The following ANKS1A variants were observed in gnomAD, a reference collection of about 807,000 sequenced individuals.
ANKS1A encodes ankyrin repeat and SAM domain-containing protein 1A.
Under a neutral mutation model 120.3 loss-of-function variants are expected in ANKS1A, and 55 were observed. That is an observed-to-expected ratio of 0.46 (90% confidence interval 0.37 to 0.57). The LOEUF (loss-of-function observed/expected upper bound fraction) is 0.57. Among genes scored for constraint, ANKS1A ranks in the 20% least tolerant of loss-of-function variants. The pLI is 0.00. For synonymous variants in ANKS1A, 590 were observed against 604.7 expected (o/e 0.98, Z 0.36); for missense variants, 1,123 against 1,480.3 (o/e 0.76, Z 3.96).
At chr6:34,999,535 G>C (rs966232455) in intron 10 of ANKS1A, among the ~76,000 whole-genome samples, 6 of 152,158 alleles carry the variant, frequency 3.9e-5, no homozygotes, top group African/African-American at 1.2e-4. Flanking sequence ...TAGGAACTAT[G>C]TTGAAAAATT....
intron 16 of ANKS1A, 28 bp downstream of exon 16, chr6:35,079,956 G>T (rs1403367570): frequency 6.5e-7 from 1 of 1,546,268 alleles, no homozygotes; most frequent in Non-Finnish European, 8.8e-7. Flanking sequence ...AGAAAGGAAT[G>T]TATGTTTGTT....
intron 2 of ANKS1A, among the ~76,000 whole-genome samples, chr6:34,968,090 A>G (rs1398082909): frequency 2.0e-5 from 3 of 152,124 alleles, no homozygotes; most frequent in African/African-American, 7.2e-5. Context: ...TTCTTTCCTC[A>G]TAAAATTAGC....
In ANKS1A at chr6:35,088,789, T is replaced by C; in HGVS notation, c.*180T>C. ...CCACCACGTCCTGCAGAACGAGCCC[T>C]GCCTTGGCTGTGGAGAAGCACTCCA... On this transcript the variant is annotated 3_prime_UTR_variant, in exon 24 of 24. Coordinates refer to ENST00000360359, the MANE Select transcript of ANKS1A (RefSeq NM_015245.3). 1.3e-6 allele frequency: 2 copies of C among 1,518,220 alleles called. No homozygotes were observed. The highest frequency in any genetic ancestry group is 1.8e-6 in the Non-Finnish European group (2 of 1,134,634). 94.0% of individuals were successfully genotyped at this position (1,518,220 alleles called of 1,614,324 possible).
At chr6:35,072,024 C>T (rs1307036249) in intron 13 of ANKS1A, among the ~76,000 whole-genome samples, 2 of 152,280 alleles carry the variant, frequency 1.3e-5, no homozygotes, top group African/African-American at 4.8e-5. Flanking sequence ...CAAACAGTCC[C>T]CTTCCTGGGC....
At chr6:34,911,446 G>C (rs1454417771) in intron 1 of ANKS1A, among the ~76,000 whole-genome samples, 1 of 152,114 alleles carries the variant, frequency 6.6e-6, no homozygotes, top group East Asian at 1.9e-4. Flanking sequence ...CTTGTGCACA[G>C]GATAACAGTG....
rs144651696 is a variant in ANKS1A at position 34,966,266 on chromosome 6, C to T, written c.198-973C>T. On this transcript the variant is annotated intron_variant, in intron 1 of 23. Coordinates refer to ENST00000360359, the MANE Select transcript of ANKS1A (RefSeq NM_015245.3). ...TGGAAATGGCCAATTAAGTTTACTC[C>T]AAGAATGGCTTAATATTAAGAAACC... 1.1e-4 allele frequency among the ~76,000 whole-genome samples: 16 copies of T among 152,208 alleles called. 1 individual carries two copies. Among genetic ancestry groups the T allele is most frequent in the Admixed American group, 8.5e-4 (13 of 15,292 alleles).
chr6:35,049,161 G>A (rs2127582741), intron 11 of ANKS1A, among the ~76,000 whole-genome samples: 1 of 152,296 alleles, frequency 6.6e-6, no homozygotes, highest in South Asian at 2.1e-4. Context: ...TTGGGGGAGT[G>A]CCAACCTTGT....
In ANKS1A at chr6:35,028,355, A is replaced by T. The variant is rs80356135; in HGVS notation, c.2010+10296A>T. Among the ~76,000 whole-genome samples, 220 of 152,178 alleles carry T rather than the reference A, an allele frequency of 1.4e-3. 1 individual carries two copies. The East Asian group carries it at 0.04, about 27-fold the overall frequency. On this transcript the variant is annotated intron_variant, in intron 11 of 23. Coordinates refer to ENST00000360359, the MANE Select transcript of ANKS1A (RefSeq NM_015245.3). ...TTCACACTGTACTTCAAGGGTGGAG[A>T]TCTCCCAGCCTCAAGGTCATAGGCT...
chr6:35,025,778 G>A lies in ANKS1A; in HGVS notation c.2010+7719G>A, dbSNP rs77883520. 3.5e-3 allele frequency among the ~76,000 whole-genome samples: 539 copies of A among 151,944 alleles called. 2 individuals carry two copies. Among genetic ancestry groups the A allele is most frequent in the Non-Finnish European group, 6.7e-3 (457 of 67,946 alleles). ...CAGCCCTCTGTACCAGAGGGATTTT[G>A]CTTTTATTTTTTCTTTTTAACATTT... On this transcript the variant is annotated intron_variant, in intron 11 of 23. Transcript: ENST00000360359.
At chr6:35,014,243 G>A (rs1197888780) in intron 10 of ANKS1A, among the ~76,000 whole-genome samples, 3 of 152,174 alleles carry the variant, frequency 2.0e-5, no homozygotes, top group Admixed American at 2.0e-4. Context: ...ACCAGCCTTA[G>A]GGTCTTGGAT....
At chr6:34,922,867 G>C (rs1309968642) in intron 1 of ANKS1A, among the ~76,000 whole-genome samples, 2 of 151,900 alleles carry the variant, frequency 1.3e-5, no homozygotes, top group African/African-American at 4.8e-5. Flanking sequence ...CTAATTTTTT[G>C]TGTTTTAGTA....
chr6:35,040,709 C>T (rs1470797619), intron 11 of ANKS1A, among the ~76,000 whole-genome samples: 2 of 152,244 alleles, frequency 1.3e-5, no homozygotes, highest in African/African-American at 4.8e-5. Flanking sequence ...GCATCTGATT[C>T]TACAAGAGGC....
At chr6:34,963,063 T>C (rs958930629) in intron 1 of ANKS1A, among the ~76,000 whole-genome samples, 1 of 151,910 alleles carries the variant, frequency 6.6e-6, no homozygotes, top group Admixed American at 6.5e-5. Context: ...GGTTTCGCCT[T>C]GTTGGCCAGG....
chr6:35,049,838 A>G (rs1038806130), intron 11 of ANKS1A, among the ~76,000 whole-genome samples: 2 of 152,202 alleles, frequency 1.3e-5, no homozygotes, highest in Admixed American at 1.3e-4. Flanking sequence ...CCCTGCACAC[A>G]GCCGTGACTT....
At chr6:34,995,077 A>G (rs1256802531) in intron 10 of ANKS1A, among the ~76,000 whole-genome samples, 1 of 152,246 alleles carries the variant, frequency 6.6e-6, no homozygotes, top group Admixed American at 6.5e-5. Flanking sequence ...TGCAGTTCCC[A>G]CTGCAGTTTG....
chr6:34,895,594 A>AAT (rs1767028920), intron 1 of ANKS1A, among the ~76,000 whole-genome samples: 4 of 152,090 alleles, frequency 2.6e-5, no homozygotes, highest in Non-Finnish European at 4.4e-5. Flanking sequence ...TGACCATGTA[A>AAT]GGATTGTAGA....
At chr6:34,948,194 G>A (rs1769898707) in intron 1 of ANKS1A, among the ~76,000 whole-genome samples, 1 of 150,736 alleles carries the variant, frequency 6.6e-6, no homozygotes, top group Non-Finnish European at 1.5e-5. Context: ...GCTTTGTTCA[G>A]CCATTTTCAG....
At chr6:34,935,865 A>G (rs1332765154) in intron 1 of ANKS1A, among the ~76,000 whole-genome samples, 3 of 151,660 alleles carry the variant, frequency 2.0e-5, no homozygotes, top group East Asian at 1.9e-4. Context: ...GATCGAGACC[A>G]TCCCGGCTAA....
intron 1 of ANKS1A, among the ~76,000 whole-genome samples, chr6:34,959,990 C>G (rs1286783128): frequency 2.0e-5 from 3 of 152,106 alleles, no homozygotes. Flanking sequence ...GTGAACACTA[C>G]TAGGTGTTCA....
Sources: allele counts gnomAD v4.1 joint callset (sites outside exome capture counted in the v4.1 genomes callset), GRCh38; gene constraint gnomAD v4.1.1; transcripts MANE v1.5; gene names NCBI Gene and HGNC (gene_info 2026-07-23, HGNC 2026-07-21).